ZFYVE28: variants seen among roughly 807,000 people sequenced by gnomAD.
ZFYVE28 encodes lateral signaling target protein 2 homolog.
Under a neutral mutation model 82.1 loss-of-function variants are expected in ZFYVE28, and 40 were observed. That is an observed-to-expected ratio of 0.49 (90% confidence interval 0.38 to 0.63). The LOEUF (loss-of-function observed/expected upper bound fraction) is 0.63. Among genes scored for constraint, ZFYVE28 ranks in the 30% least tolerant of loss-of-function variants. The pLI is 0.00. For synonymous variants in ZFYVE28, 612 were observed against 546.1 expected (o/e 1.12, Z -1.68); for missense variants, 1,321 against 1,242.1 (o/e 1.06, Z -0.96).
rs919271598 is a variant in ZFYVE28 at position 2,296,838 on chromosome 4, C to T, written c.2051+7451G>A. Among the ~76,000 whole-genome samples, 13 of 152,292 alleles carry T rather than the reference C, an allele frequency of 8.5e-5. 1 individual carries two copies. Among genetic ancestry groups the T allele is most frequent in the Admixed American group, 5.2e-4 (8 of 15,304 alleles). On this transcript the variant is annotated intron_variant, in intron 8 of 12. Transcript: ENST00000290974. ...TGCAGTGGGTCCACTGGGGAGCCCC[C>T]GGATCCGGAGAGCCCCCACAGCCCA... is the stretch of plus-strand genomic sequence containing the variant.
intron 2 of ZFYVE28, among the ~76,000 whole-genome samples, chr4:2,348,938 C>G (rs994731465): frequency 6.6e-6 from 1 of 152,036 alleles, no homozygotes; most frequent in African/African-American, 2.4e-5. Flanking sequence ...AAGAAGACAC[C>G]AAGAGTTCCA....
chr4:2,304,611 C>G lies in ZFYVE28; in HGVS notation c.1729G>C (p.Val577Leu). The G allele has an allele frequency of 1.9e-6, 3 of 1,612,456 alleles. No individual in the cohort carries two copies. In the South Asian group the frequency reaches 3.3e-5, roughly 18 times the overall value. Residue 577 changes from valine (V) to leucine (L), a missense_variant, in exon 8 of 13, where the codon GTG becomes CTG. By Grantham distance (32) the Val-to-Leu change is conservative. Around this residue, in one of 2 missense-constraint regions of ZFYVE28, gnomAD observed 978 missense variants for 833.7 expected, o/e 1.17. Transcript: ENST00000290974. The stretch of plus-strand genomic sequence containing the variant: ...CACTTCTCCCGCAGACGCTCCACCA[C>G]GTCCTCCCTGCTGTCCCCGCAGCTC... Reference protein sequence around the residue: ...CGSCGDSREDVVERLREKCSP... With the variant: ...CGSCGDSREDLVERLREKCSP...
chr4:2,361,531 C>A (rs1025119955), intron 1 of ZFYVE28, among the ~76,000 whole-genome samples: 4 of 152,308 alleles, frequency 2.6e-5, no homozygotes, highest in African/African-American at 9.6e-5. Context: ...CGCACTACCC[C>A]ACCCACTGGG....
intron 1 of ZFYVE28, among the ~76,000 whole-genome samples, chr4:2,385,593 G>A (rs1029508909): frequency 1.3e-5 from 2 of 152,222 alleles, no homozygotes; most frequent in Non-Finnish European, 2.9e-5. Flanking sequence ...CACAGGCTTC[G>A]GACAGCAGAG....
chr4:2,292,836 G>T (rs1042123741), intron 8 of ZFYVE28, among the ~76,000 whole-genome samples: 3 of 152,148 alleles, frequency 2.0e-5, no homozygotes, highest in Admixed American at 1.3e-4. Flanking sequence ...CCAGAAAAAG[G>T]CATGACAAGA....
Position 2,394,426 on chromosome 4 carries a change from C to T in ZFYVE28, c.39+23859G>A, listed in dbSNP as rs879544575. The stretch of plus-strand genomic sequence containing the variant: ...CTCCAATGCCTGGACCTGGAGGGCT[C>T]CTTCACGTTGCCAGCTGACTGGCAA... On this transcript the variant is annotated intron_variant, in intron 1 of 12. Transcript: ENST00000290974. The surrounding 1 kb of genome is among the most constrained non-coding windows in gnomAD (Gnocchi z 4.0). Among the ~76,000 whole-genome samples the T allele has an allele frequency of 1.2e-4, 18 of 152,164 alleles. No homozygotes were observed. Among genetic ancestry groups the T allele is most frequent in the Non-Finnish European group, 2.2e-4 (15 of 68,030 alleles).
In ZFYVE28 at chr4:2,362,856, A is replaced by T. The variant is rs1042194174; in HGVS notation, c.40-8783T>A. ...TCAGCAGGAGGCCTGGCAGGGAGTG[A>T]GGATGGGACGGTCCTGCTCACTTCC... On this transcript the variant is annotated intron_variant, in intron 1 of 12. Transcript: ENST00000290974. The surrounding 1 kb of genome is among the most constrained non-coding windows in gnomAD (Gnocchi z 5.1). Among the ~76,000 whole-genome samples the T allele has an allele frequency of 1.3e-5, 2 of 151,688 alleles. No individual in the cohort carries two copies. Among genetic ancestry groups the T allele is most frequent in the Non-Finnish European group, 2.9e-5 (2 of 67,920 alleles).
chr4:2,380,743 G>C (rs1043680393), intron 1 of ZFYVE28, among the ~76,000 whole-genome samples: 1 of 152,218 alleles, frequency 6.6e-6, no homozygotes, highest in Non-Finnish European at 1.5e-5. Context: ...GGTTTTATCA[G>C]GGGTTTTCGC....
chr4:2,347,400 C>T (rs1332464619), intron 2 of ZFYVE28, among the ~76,000 whole-genome samples: 1 of 152,182 alleles, frequency 6.6e-6, no homozygotes, highest in Non-Finnish European at 1.5e-5. Context: ...CTTAGCAATG[C>T]TGCTAAAACA....
chr4:2,401,158 T>C (rs875131), intron 1 of ZFYVE28, among the ~76,000 whole-genome samples: 134,547 of 152,228 alleles, frequency 0.88, 59,820 homozygotes, highest in African/African-American at 0.97. Context: ...AGGGGAAACA[T>C]TTGCTCCATG....
In ZFYVE28 at chr4:2,271,291, G is replaced by A. The variant is rs759601983; in HGVS notation, c.2532+20C>T. ...GCCCTTGGATGCTGAGGGACCCTCC[G>A]TGCAAGGGGTCTCACCCACCTTCCC... On this transcript the variant is annotated intron_variant, in intron 12 of 12. Transcript: ENST00000290974. The A allele has an allele frequency of 4.3e-6, 7 of 1,609,240 alleles. No individual in the cohort carries two copies. The highest frequency in any genetic ancestry group is 5.9e-6 in the Non-Finnish European group (7 of 1,177,760).
At chr4:2,331,789 T>TA (rs1016710066) in intron 6 of ZFYVE28, among the ~76,000 whole-genome samples, 11 of 152,140 alleles carry the variant, frequency 7.2e-5, no homozygotes, top group Non-Finnish European at 1.2e-4. Context: ...GGGGACACCC[T>TA]AAACAGGGGG....
chr4:2,395,633 A>G (rs1730354452), intron 1 of ZFYVE28, among the ~76,000 whole-genome samples: 1 of 152,172 alleles, frequency 6.6e-6, no homozygotes, highest in Admixed American at 6.5e-5. Context: ...GGAATTTTCA[A>G]CCTGGGAGCA....
intron 8 of ZFYVE28, among the ~76,000 whole-genome samples, chr4:2,279,504 G>A (rs546004419): frequency 4.6e-5 from 7 of 152,024 alleles, no homozygotes; most frequent in Admixed American, 2.0e-4. Context: ...AACTGGCCGG[G>A]TGCAGTGGCT....
At chr4:2,414,080 G>A (rs946454901) in intron 1 of ZFYVE28, among the ~76,000 whole-genome samples, 2 of 152,214 alleles carry the variant, frequency 1.3e-5, no homozygotes, top group African/African-American at 2.4e-5. Flanking sequence ...CTGCCACTTC[G>A]TTTCCAGGGT....
chr4:2,372,650 C>A lies in ZFYVE28; in HGVS notation c.40-18577G>T, dbSNP rs1019828627. Reference sequence around the variant, plus strand: ...AAGGGACCTGATGAGGGAGGGCCTGCGGCTGGGCACGGGTGGGCACTGGCT... The same window carrying A: ...AAGGGACCTGATGAGGGAGGGCCTGAGGCTGGGCACGGGTGGGCACTGGCT... On this transcript the variant is annotated intron_variant, in intron 1 of 12. Coordinates refer to ENST00000290974, the MANE Select transcript of ZFYVE28 (RefSeq NM_020972.3). The surrounding 1 kb of genome is among the most constrained non-coding windows in gnomAD (Gnocchi z 5.2). Among the ~76,000 whole-genome samples, 1 of 152,098 alleles carries A rather than the reference C, an allele frequency of 6.6e-6. No homozygotes were observed. The highest frequency in any genetic ancestry group is 1.5e-5 in the Non-Finnish European group (1 of 68,008).
chr4:2,308,600 CAGAG>C (rs539961492), intron 7 of ZFYVE28, among the ~76,000 whole-genome samples: 10 of 99,062 alleles, frequency 1.0e-4, no homozygotes, highest in Non-Finnish European at 1.6e-4. Context: ...GAAGGAGAGA[CAGAG>C]AGAGAGAAAG....
intron 8 of ZFYVE28, among the ~76,000 whole-genome samples, chr4:2,294,059 C>A (rs575409019): frequency 7.5e-5 from 11 of 146,398 alleles, no homozygotes; most frequent in African/African-American, 2.8e-4. Flanking sequence ...TAATCCCAAT[C>A]AAAATCCCAG....
intron 1 of ZFYVE28, among the ~76,000 whole-genome samples, chr4:2,384,165 C>T (rs1729013482): frequency 6.6e-6 from 1 of 152,194 alleles, no homozygotes. Flanking sequence ...CCGGGACTGT[C>T]AGCCAAAGTC....
Sources: gnomAD v4.1 joint callset for allele counts (sites outside exome capture counted in the v4.1 genomes callset) on GRCh38, gnomAD v4.1.1 for gene constraint, gnomAD v4.1.1 regional missense constraint, Gnocchi (gnomAD v3.1) non-coding constraint, MANE v1.5 for transcripts, NCBI Gene and HGNC (gene_info 2026-07-23, HGNC 2026-07-21) for gene names.